The following SOX5 variants were observed in gnomAD, a reference collection of about 807,000 sequenced individuals.
SOX5 encodes the protein transcription factor SOX-5.
In SOX5, 9 loss-of-function variants were observed where a neutral mutation model predicts 92.0. That is an observed-to-expected ratio of 0.10 (90% CI 0.06 to 0.17). The LOEUF (loss-of-function observed/expected upper bound fraction) is 0.17, where lower values mean the gene tolerates loss of function less well. Among genes scored for constraint, SOX5 ranks in the 10% least tolerant of loss-of-function variants. SOX5 has a pLI of 1.00. For missense variants in SOX5, 642 were observed against 944.5 expected (o/e 0.68, Z 4.20); for synonymous variants, 344 against 336.3 (o/e 1.02, Z -0.25).
At chr12:24,512,735 A>C (rs1448059730) in intron 1 of SOX5, among the ~76,000 whole-genome samples, 1 of 152,210 alleles carries the variant, frequency 6.6e-6, no homozygotes, top group African/African-American at 2.4e-5. Context: ...AAAATAAAGG[A>C]CTACATAGTA....
chr12:24,544,055 G>A (rs573705682), intron 1 of SOX5, among the ~76,000 whole-genome samples: 12 of 152,222 alleles, frequency 7.9e-5, no homozygotes, highest in South Asian at 4.1e-4. Context: ...AATGCTACCC[G>A]AAATGTATTT....
intron 9 of SOX5, among the ~76,000 whole-genome samples, chr12:23,586,713 A>G (rs1435209433): frequency 6.6e-6 from 1 of 151,740 alleles, no homozygotes; most frequent in Non-Finnish European, 1.5e-5. Context: ...TTGGAAGATT[A>G]AGTCTCAAAA....
At chr12:23,626,821 T>G (rs1212384148) in intron 8 of SOX5, among the ~76,000 whole-genome samples, 1 of 152,100 alleles carries the variant, frequency 6.6e-6, no homozygotes, top group Non-Finnish European at 1.5e-5. Context: ...TGAGGCAGGT[T>G]GAGACTAGAA....
chr12:23,931,520 G>A (rs1236990287), intron 1 of SOX5, among the ~76,000 whole-genome samples: 2 of 151,696 alleles, frequency 1.3e-5, no homozygotes, highest in South Asian at 4.1e-4. Flanking sequence ...AAAGTAGTTA[G>A]AACACAGAAG....
At chr12:23,882,313 T>C (rs1253369215) in intron 2 of SOX5, among the ~76,000 whole-genome samples, 1 of 150,054 alleles carries the variant, frequency 6.7e-6, no homozygotes, top group Non-Finnish European at 1.5e-5. Flanking sequence ...ACCTCTAAAA[T>C]CCCTGAATGA....
intron 1 of SOX5, among the ~76,000 whole-genome samples, chr12:24,416,486 C>T (rs180718592): frequency 5.3e-5 from 8 of 152,300 alleles, no homozygotes; most frequent in African/African-American, 1.7e-4. Context: ...CGAATGTATT[C>T]AAAAGCAAAG....
chr12:23,840,213 C>T (rs1193106600), intron 3 of SOX5, among the ~76,000 whole-genome samples: 1 of 151,644 alleles, frequency 6.6e-6, no homozygotes, highest in Non-Finnish European at 1.5e-5. Context: ...ATTAAAAAGA[C>T]AATATAATTT....
Position 24,320,305 on chromosome 12 carries a change from C to G in SOX5, c.-173-42993G>C, listed in dbSNP as rs141863256. ...AGTAGCTTTAATATGAGTTTTCTCT[C>G]TTTACCAAGTTTTCCTTTATAGGTC... is the stretch of plus-strand genomic sequence containing the variant. On this transcript the variant is annotated intron_variant, in intron 2 of 4. Transcript: ENST00000446891. Among the ~76,000 whole-genome samples, 73 of 152,292 alleles carry G rather than the reference C, an allele frequency of 4.8e-4. No homozygotes were observed. In the East Asian group the frequency reaches 0.011, roughly 23 times the overall value.
At chr12:24,106,168 G>A (rs1402215828) in intron 4 of SOX5, among the ~76,000 whole-genome samples, 1 of 150,472 alleles carries the variant, frequency 6.6e-6, no homozygotes, top group African/African-American at 2.4e-5. Context: ...TGCAATGCGT[G>A]TATCACACAA....
chr12:23,855,566 T>A (rs2096678165), intron 2 of SOX5, among the ~76,000 whole-genome samples: 1 of 152,128 alleles, frequency 6.6e-6, no homozygotes, highest in South Asian at 2.1e-4. Flanking sequence ...TCTTTCTTTT[T>A]CTGAGATGTG....
chr12:24,206,208 TAGAAGAA>T (rs1958003475), intron 4 of SOX5, among the ~76,000 whole-genome samples: 1 of 152,246 alleles, frequency 6.6e-6, no homozygotes, highest in Non-Finnish European at 1.5e-5. Flanking sequence ...GCCTTACTGG[TAGAAGAA>T]AATTACCTGT....
At chr12:24,396,281 T>G (rs1959936567) in intron 1 of SOX5, among the ~76,000 whole-genome samples, 1 of 152,190 alleles carries the variant, frequency 6.6e-6, no homozygotes, top group Non-Finnish European at 1.5e-5. Flanking sequence ...ACCCTGTGTC[T>G]TAGCTGGGCA....
chr12:24,407,873 G>A (rs1056117901), intron 1 of SOX5, among the ~76,000 whole-genome samples: 5 of 152,180 alleles, frequency 3.3e-5, no homozygotes, highest in Non-Finnish European at 5.9e-5. Flanking sequence ...AGGGAATTTC[G>A]AGGTTTCTAT....
intron 6 of SOX5, among the ~76,000 whole-genome samples, chr12:23,683,398 T>C (rs1288738866): frequency 6.6e-6 from 1 of 151,968 alleles, no homozygotes; most frequent in African/African-American, 2.4e-5. Flanking sequence ...CTTGAATTAA[T>C]GCTATCTCAT....
chr12:23,669,178 A>T (rs2084351326), intron 6 of SOX5, among the ~76,000 whole-genome samples: 1 of 152,166 alleles, frequency 6.6e-6, no homozygotes, highest in African/African-American at 2.4e-5. Context: ...AGATAATTAT[A>T]ATGTACTACT....
intron 4 of SOX5, among the ~76,000 whole-genome samples, chr12:23,971,121 C>CTTTTTTTTTTTTTTTTT (rs71059953): frequency 1.2e-5 from 1 of 86,222 alleles, no homozygotes; most frequent in Non-Finnish European, 2.0e-5. Context: ...TGTCAGCTGA[C>CTTTTTTTTTTTTTTTTT]TTTTTTTTTT....
intron 3 of SOX5, among the ~76,000 whole-genome samples, chr12:24,276,071 T>C (rs1944397266): frequency 6.6e-6 from 1 of 152,140 alleles, no homozygotes; most frequent in African/African-American, 2.4e-5. Flanking sequence ...GAAGCAGTAG[T>C]CTCAGTTTGT....
chr12:23,590,835 G>A (rs370055189), intron 9 of SOX5, among the ~76,000 whole-genome samples: 1 of 151,916 alleles, frequency 6.6e-6, no homozygotes. Flanking sequence ...TATAAACAAC[G>A]TATTGCTTTG....
At chr12:23,615,651 C>G (rs895606764) in intron 8 of SOX5, among the ~76,000 whole-genome samples, 2 of 149,920 alleles carry the variant, frequency 1.3e-5, no homozygotes, top group Admixed American at 6.7e-5. Context: ...GCCTCCAGTT[C>G]CATTTATGTT....
Sources: allele counts gnomAD v4.1 joint callset (sites outside exome capture counted in the v4.1 genomes callset), GRCh38; gene constraint gnomAD v4.1.1; transcripts MANE v1.5; gene names NCBI Gene and HGNC (gene_info 2026-07-23, HGNC 2026-07-21).